CAMK1D: variants seen among roughly 807,000 people sequenced by gnomAD.
CAMK1D encodes the protein calcium/calmodulin dependent protein kinase ID.
A neutral mutation model predicts 47.7 loss-of-function variants in CAMK1D; 9 were observed. The observed-to-expected ratio is 0.19, with a 90% CI of 0.11 to 0.33. The LOEUF is 0.33. CAMK1D is among the 10% of genes least tolerant of loss of function. The pLI is 1.00. For synonymous variants in CAMK1D, 184 were observed against 184.9 expected (o/e 0.99, Z 0.04); for missense variants, 291 against 488.7 (o/e 0.60, Z 3.81).
At chr10:12,516,007 A>C (rs374410651) in intron 1 of CAMK1D, among the ~76,000 whole-genome samples, 1 of 152,194 alleles carries the variant, frequency 6.6e-6, no homozygotes, top group Admixed American at 6.5e-5. Flanking sequence ...CGTTGCATGT[A>C]TCAACAGTCT....
intron 2 of CAMK1D, among the ~76,000 whole-genome samples, chr10:12,594,716 A>G (rs192595385): frequency 2.2e-3 from 329 of 152,376 alleles, no homozygotes; most frequent in South Asian, 4.3e-3. Context: ...TGGAAAATAC[A>G]TAGTTTTCAG....
rs1469543500 is a variant in CAMK1D at position 12,361,582 on chromosome 10, G to A, written c.92+11672G>A. Reference sequence around the variant, plus strand: ...TTTTTTTTTTTTTAATTGAGATGGAGTCTCGCTCTGTGGCCCAGGCTGGAG... The same window carrying A: ...TTTTTTTTTTTTTAATTGAGATGGAATCTCGCTCTGTGGCCCAGGCTGGAG... On this transcript the variant is annotated intron_variant, in intron 1 of 10. Transcript: ENST00000619168. 4.2e-5 allele frequency among the ~76,000 whole-genome samples: 5 copies of A among 118,842 alleles called. No homozygotes were observed. The Admixed American group carries it at 5.7e-4, about 13-fold the overall frequency. 78.0% of individuals were successfully genotyped at this position (118,842 alleles called of 152,430 possible).
At chr10:12,538,933 G>T (rs1172400947) in intron 1 of CAMK1D, among the ~76,000 whole-genome samples, 1 of 151,052 alleles carries the variant, frequency 6.6e-6, no homozygotes, top group African/African-American at 2.4e-5. Context: ...GCAGCCTCAT[G>T]GGAGAATCGA....
chr10:12,810,171 C>T (rs549323192), intron 6 of CAMK1D, among the ~76,000 whole-genome samples: 4 of 78,482 alleles, frequency 5.1e-5, no homozygotes, highest in African/African-American at 2.0e-4. Context: ...AAAAAAAAGG[C>T]GTTAGGAGGG....
At chr10:12,383,776 CT>C (rs1838410962) in intron 1 of CAMK1D, among the ~76,000 whole-genome samples, 2 of 152,328 alleles carry the variant, frequency 1.3e-5, no homozygotes, top group Admixed American at 6.5e-5. Flanking sequence ...AGAATGAACG[CT>C]TTACCTTAAC....
chr10:12,571,668 A>T (rs138763397), intron 2 of CAMK1D, among the ~76,000 whole-genome samples: 58 of 152,114 alleles, frequency 3.8e-4, no homozygotes, highest in African/African-American at 1.4e-3. Flanking sequence ...TGTTGCCTCC[A>T]TTGTAACACT....
At chr10:12,826,484 A>G (rs1222532202) in intron 10 of CAMK1D, among the ~76,000 whole-genome samples, 1 of 152,120 alleles carries the variant, frequency 6.6e-6, no homozygotes, top group East Asian at 1.9e-4. Flanking sequence ...TGCATGGGCT[A>G]TTCCATCATC....
At chr10:12,749,840 TCG>T (rs1200649618) in intron 3 of CAMK1D, among the ~76,000 whole-genome samples, 10 of 79,428 alleles carry the variant, frequency 1.3e-4, no homozygotes, top group African/African-American at 9.5e-4. Flanking sequence ...TCCGCCTGCT[TCG>T]TTCGGCCTCC....
At position 12,777,739 on chromosome 10, in the gene CAMK1D, C is replaced by T. The variant is rs193053943; in HGVS notation, c.565+7940C>T. Reference sequence around the variant, plus strand: ...GAGGAATGGCAGGAAGAAGGTGAAACGGGTCTTGGTAAGTACACCAGCATG... The same window carrying T: ...GAGGAATGGCAGGAAGAAGGTGAAATGGGTCTTGGTAAGTACACCAGCATG... On this transcript the variant is annotated intron_variant, in intron 5 of 10. Coordinates refer to ENST00000619168, the MANE Select transcript of CAMK1D (RefSeq NM_153498.4). 2.6e-3 allele frequency among the ~76,000 whole-genome samples: 389 copies of T among 152,246 alleles called. 4 individuals are homozygous for T. Among genetic ancestry groups the T allele is most frequent in the Middle Eastern group, 0.014 (4 of 294 alleles).
At chr10:12,492,070 C>G (rs1834401150) in intron 1 of CAMK1D, among the ~76,000 whole-genome samples, 1 of 152,190 alleles carries the variant, frequency 6.6e-6, no homozygotes, top group South Asian at 2.1e-4. Flanking sequence ...CAGGTGTGAG[C>G]CATCGTGCCT....
intron 1 of CAMK1D, among the ~76,000 whole-genome samples, chr10:12,359,369 T>C (rs1275315731): frequency 6.6e-6 from 1 of 152,184 alleles, no homozygotes; most frequent in Non-Finnish European, 1.5e-5. Flanking sequence ...CGCTGAGCCA[T>C]TCAACATTTG....
chr10:12,467,493 T>A (rs1002293909), intron 1 of CAMK1D, among the ~76,000 whole-genome samples: 1 of 152,204 alleles, frequency 6.6e-6, no homozygotes, highest in East Asian at 1.9e-4. Flanking sequence ...GGGTAACTTA[T>A]GAATTGTGAC....
At chr10:12,557,942 C>G (rs914672182) in intron 2 of CAMK1D, among the ~76,000 whole-genome samples, 1 of 152,156 alleles carries the variant, frequency 6.6e-6, no homozygotes, top group African/African-American at 2.4e-5. Flanking sequence ...TGTACTTGCT[C>G]TGGAAATTGT....
intron 1 of CAMK1D, among the ~76,000 whole-genome samples, chr10:12,403,337 G>A (rs1839296645): frequency 6.6e-6 from 1 of 152,224 alleles, no homozygotes; most frequent in Non-Finnish European, 1.5e-5. Flanking sequence ...TCAGGTGGAC[G>A]TTGTTCACCC....
intron 2 of CAMK1D, among the ~76,000 whole-genome samples, chr10:12,592,023 GC>G (rs754363213): frequency 2.9e-4 from 44 of 150,686 alleles, no homozygotes; most frequent in Non-Finnish European, 5.3e-4. Flanking sequence ...CCTTAAAAAA[GC>G]CAATTTGTCT....
chr10:12,369,877 AC>A (rs1837955666), intron 1 of CAMK1D, among the ~76,000 whole-genome samples: 1 of 151,106 alleles, frequency 6.6e-6, no homozygotes, highest in Non-Finnish European at 1.5e-5. Flanking sequence ...AATTGCTTGA[AC>A]CTGGGAGGCG....
intron 2 of CAMK1D, among the ~76,000 whole-genome samples, chr10:12,616,145 T>G (rs1838807216): frequency 6.6e-6 from 1 of 152,106 alleles, no homozygotes; most frequent in South Asian, 2.1e-4. Context: ...TGTGTATAAA[T>G]GTACGTGTGT....
chr10:12,708,892 G>T (rs995512709), intron 3 of CAMK1D, among the ~76,000 whole-genome samples: 1 of 152,234 alleles, frequency 6.6e-6, no homozygotes, highest in African/African-American at 2.4e-5. Flanking sequence ...CACTTTGAGA[G>T]GCCGAGGCAG....
chr10:12,751,052 A>ATAAGG (rs1487320035), intron 3 of CAMK1D, among the ~76,000 whole-genome samples: 1 of 236 alleles, frequency 4.2e-3, no homozygotes, highest in Non-Finnish European at 9.8e-3. Context: ...GTCTCCCCCA[A>ATAAGG]TAAGATAAGA....
Sources: gnomAD v4.1 joint callset for allele counts (sites outside exome capture counted in the v4.1 genomes callset) on GRCh38, gnomAD v4.1.1 for gene constraint, MANE v1.5 for transcripts, NCBI Gene and HGNC (gene_info 2026-07-23, HGNC 2026-07-21) for gene names.